XKR4: variants seen among roughly 807,000 people sequenced by gnomAD.
XKR4 encodes XK related 4.
In XKR4, 12 loss-of-function variants were observed where a neutral mutation model predicts 53.9. The observed-to-expected ratio is 0.22, with a 90% CI of 0.14 to 0.36. The LOEUF (loss-of-function observed/expected upper bound fraction) is 0.36, where lower values mean the gene tolerates loss of function less well. Ranked by LOEUF, XKR4 falls within the 10% of genes least tolerant of loss-of-function variation. XKR4 has a pLI of 1.00. For missense variants in XKR4, 799 were observed against 859.5 expected, an observed-to-expected ratio of 0.93 and a Z score of 0.88; for synonymous variants, 354 against 362.4, an observed-to-expected ratio of 0.98 and a Z score of 0.26.
At chr8:55,389,944 T>A (rs1804420107) in intron 2 of XKR4, among the ~76,000 whole-genome samples, 2 of 152,200 alleles carry the variant, frequency 1.3e-5, no homozygotes, top group South Asian at 4.1e-4. Context: ...TCAATGTTCC[T>A]GCCCAGGGCT....
chr8:55,103,971 C>G (rs73596945), intron 1 of XKR4, among the ~76,000 whole-genome samples: 3,301 of 150,212 alleles, frequency 0.022, 112 homozygotes, highest in African/African-American at 0.074. Context: ...CTTGCAATAT[C>G]TCCATATCTA....
intron 2 of XKR4, among the ~76,000 whole-genome samples, chr8:55,426,373 GCT>G (rs138919134): frequency 1.5e-4 from 22 of 148,854 alleles, no homozygotes; most frequent in Non-Finnish European, 1.3e-4. Context: ...GCTCACTTGC[GCT>G]CTCTCTCTCT....
chr8:55,174,196 CA>C (rs1448301983), intron 1 of XKR4, among the ~76,000 whole-genome samples: 3 of 152,048 alleles, frequency 2.0e-5, no homozygotes, highest in Non-Finnish European at 4.4e-5. Flanking sequence ...TTTCCTGTTT[CA>C]TGGCAGACTT....
At chr8:55,166,758 A>G (rs1817070959) in intron 1 of XKR4, among the ~76,000 whole-genome samples, 1 of 152,214 alleles carries the variant, frequency 6.6e-6, no homozygotes, top group Non-Finnish European at 1.5e-5. Flanking sequence ...GTTCAAGGGC[A>G]GCAAGAAGGT....
intron 1 of XKR4, among the ~76,000 whole-genome samples, chr8:55,325,243 C>T (rs1485261537): frequency 1.3e-5 from 2 of 152,074 alleles, no homozygotes; most frequent in African/African-American, 4.8e-5. Context: ...AATCAGAAAA[C>T]AAAAATGGAG....
intron 1 of XKR4, among the ~76,000 whole-genome samples, chr8:55,137,498 G>T (rs1301279148): frequency 6.6e-6 from 1 of 151,442 alleles, no homozygotes; most frequent in East Asian, 1.9e-4. Context: ...AAAAATATCT[G>T]AAATTAATAA....
At chr8:55,370,877 G>A (rs190113697) in intron 2 of XKR4, among the ~76,000 whole-genome samples, 19 of 152,028 alleles carry the variant, frequency 1.2e-4, no homozygotes, top group Admixed American at 3.3e-4. Context: ...GGCGATCCTG[G>A]GTGTTTGTTG....
intron 1 of XKR4, among the ~76,000 whole-genome samples, chr8:55,320,396 A>G (rs916007898): frequency 1.3e-5 from 2 of 152,232 alleles, no homozygotes; most frequent in African/African-American, 4.8e-5. Context: ...TTTAAGTTCA[A>G]TGTAAATTAA....
At chr8:55,361,920 G>T (rs536693923) in intron 2 of XKR4, among the ~76,000 whole-genome samples, 1 of 151,992 alleles carries the variant, frequency 6.6e-6, no homozygotes, top group Admixed American at 6.6e-5. Context: ...CAGAGTATCC[G>T]GTCCTAACTG....
At chr8:55,205,388 G>A (rs768377397) in intron 1 of XKR4, among the ~76,000 whole-genome samples, 5 of 152,142 alleles carry the variant, frequency 3.3e-5, no homozygotes, top group Non-Finnish European at 7.3e-5. Flanking sequence ...AAATTTAGAG[G>A]CAGAGACTGT....
intron 2 of XKR4, among the ~76,000 whole-genome samples, chr8:55,468,778 A>G (rs1215919358): frequency 6.6e-6 from 1 of 151,992 alleles, no homozygotes; most frequent in Non-Finnish European, 1.5e-5. Context: ...GAAATCTAAC[A>G]CTCTGATTCG....
At chr8:55,244,876 C>A (rs1290403902) in intron 1 of XKR4, among the ~76,000 whole-genome samples, 1 of 147,048 alleles carries the variant, frequency 6.8e-6, no homozygotes, top group Non-Finnish European at 1.5e-5. Context: ...TGAAAAGTGT[C>A]TGTTCATGTC....
At chr8:55,412,052 A>G (rs1190059710) in intron 2 of XKR4, among the ~76,000 whole-genome samples, 3 of 152,208 alleles carry the variant, frequency 2.0e-5, no homozygotes, top group Non-Finnish European at 4.4e-5. Context: ...CATAGAGCAC[A>G]GAATGGAAGT....
At chr8:55,348,359 T>G (rs1265267567) in intron 1 of XKR4, among the ~76,000 whole-genome samples, 1 of 152,146 alleles carries the variant, frequency 6.6e-6, no homozygotes, top group Non-Finnish European at 1.5e-5. Flanking sequence ...ACACAGCCTG[T>G]GAGGGAGGGA....
chr8:55,332,031 T>C (rs1045279644), intron 1 of XKR4, among the ~76,000 whole-genome samples: 10 of 152,264 alleles, frequency 6.6e-5, no homozygotes, highest in Middle Eastern at 3.4e-3. Flanking sequence ...CCTCTATTAC[T>C]GCCCTCCTTA....
Position 55,539,304 on chromosome 8 carries a change from C to T in XKR4, c.*15077C>T, listed in dbSNP as rs372926105. The T allele has an allele frequency of 3.3e-5, 5 of 152,082 alleles. No individual in the cohort carries two copies. The East Asian group carries it at 9.6e-4, about 29-fold the overall frequency. 9.4% of individuals were successfully genotyped at this position (152,082 alleles called of 1,614,324 possible). A position where few individuals can be genotyped will look rare whatever the true frequency, so the allele number is the denominator to read the frequency against. On this transcript the variant is annotated 3_prime_UTR_variant, in exon 3 of 3. Coordinates refer to ENST00000327381, the MANE Select transcript of XKR4 (RefSeq NM_052898.2). ...TTGTACATCAATATTATCATTGTGC[C>T]CTTATTTAAGGATTATATTCCATTG...
At chr8:55,467,061 G>T (rs1276438987) in intron 2 of XKR4, among the ~76,000 whole-genome samples, 1 of 152,130 alleles carries the variant, frequency 6.6e-6, no homozygotes, top group Non-Finnish European at 1.5e-5. Flanking sequence ...CATTCAAGGT[G>T]TCAGCCAGGG....
intron 2 of XKR4, chr8:55,449,921 C>T: frequency 1.1e-6 from 1 of 872,860 alleles, no homozygotes. Context: ...GCGGTCGAGC[C>T]TCTATTCTGG....
chr8:55,509,499 T>C (rs1286246323), intron 2 of XKR4, among the ~76,000 whole-genome samples: 2 of 152,178 alleles, frequency 1.3e-5, no homozygotes, highest in South Asian at 2.1e-4. Context: ...ATTTAAAAAA[T>C]ACAGTAATTA....
Sources: allele counts gnomAD v4.1 joint callset (sites outside exome capture counted in the v4.1 genomes callset), GRCh38; gene constraint gnomAD v4.1.1; transcripts MANE v1.5; gene names NCBI Gene and HGNC (gene_info 2026-07-23, HGNC 2026-07-21).